C2orf76: variants seen among roughly 807,000 people sequenced by gnomAD.
C2orf76 encodes the protein UPF0538 protein C2orf76.
A neutral mutation model predicts 16.9 loss-of-function variants in C2orf76; 23 were observed. The ratio of observed to expected loss-of-function variants is 1.36; its 90% CI spans 0.98 to 1.93. C2orf76 has a LOEUF of 1.93. Among genes scored for constraint, C2orf76 ranks in the 30% most tolerant of loss-of-function variants. C2orf76 has a pLI of 0.00. For synonymous variants in C2orf76, 48 were observed against 52.3 expected (o/e 0.92, Z 0.35); for missense variants, 152 against 152.6 (o/e 1.00, Z 0.02).
At chr2:119,302,950 T>TC (rs1199033144) in intron 5 of C2orf76, among the ~76,000 whole-genome samples, 58 of 129,138 alleles carry the variant, frequency 4.5e-4, no homozygotes, top group African/African-American at 1.5e-3. Flanking sequence ...GGAAAACTCT[T>TC]TTCCCCCCCT....
At chr2:119,290,016 T>C in the C2orf76 span, among the ~76,000 whole-genome samples, 3 of 151,968 alleles carry the variant, frequency 2.0e-5, no homozygotes, top group Non-Finnish European at 4.4e-5. Flanking sequence ...GTTACTGGCA[T>C]TGCCTAATTA....
downstream of C2orf76, among the ~76,000 whole-genome samples, chr2:119,300,667 G>A (rs1231676481): frequency 6.6e-6 from 1 of 152,140 alleles, no homozygotes; most frequent in Non-Finnish European, 1.5e-5. Flanking sequence ...ATCAAACATT[G>A]CATTAGCTTA....
chr2:119,345,481 T>C (rs1362608999), intron 1 of C2orf76, among the ~76,000 whole-genome samples: 1 of 152,242 alleles, frequency 6.6e-6, no homozygotes, highest in African/African-American at 2.4e-5. Context: ...CCCTTTGATA[T>C]GGCAATTTCT....
In C2orf76 at chr2:119,321,136, G is replaced by C; in HGVS notation, c.184+18C>G. ...AATTGTATTTATATATATTTTAAAA[G>C]AATAAAAAAATGGTTACCATATTTA... On this transcript the variant is annotated intron_variant, in intron 3 of 5. Transcript: ENST00000334816. The C allele has an allele frequency of 7.6e-7, 1 of 1,323,086 alleles. No homozygotes were observed. Among genetic ancestry groups the C allele is most frequent in the Admixed American group, 2.3e-5 (1 of 42,754 alleles). 82.0% of individuals were successfully genotyped at this position (1,323,086 alleles called of 1,614,324 possible).
chr2:119,333,511 G>T, intron 2 of C2orf76, among the ~76,000 whole-genome samples: 1 of 152,220 alleles, frequency 6.6e-6, no homozygotes, highest in African/African-American at 2.4e-5. Context: ...CTGACATTCA[G>T]TGTTTCCTGA....
intron 1 of C2orf76, among the ~76,000 whole-genome samples, chr2:119,355,650 A>G (rs1188021792): frequency 1.3e-5 from 2 of 152,128 alleles, no homozygotes; most frequent in Non-Finnish European, 2.9e-5. Flanking sequence ...TTGTGAACTG[A>G]GCATATGAGG....
intron 1 of C2orf76, among the ~76,000 whole-genome samples, chr2:119,356,137 T>C (rs1680564229): frequency 1.3e-5 from 2 of 152,126 alleles, no homozygotes; most frequent in Non-Finnish European, 2.9e-5. Flanking sequence ...GTTCGGTGGC[T>C]CTCAGTTGTA....
intron 1 of C2orf76, 88 bp from the exon 2 acceptor site, chr2:119,340,059 G>A: frequency 1.4e-6 from 2 of 1,409,418 alleles, no homozygotes; most frequent in Non-Finnish European, 9.8e-7. Context: ...CAGCTCTCTG[G>A]CACCAGCCCC....
At chr2:119,327,413 T>C (rs1010848216) in intron 2 of C2orf76, among the ~76,000 whole-genome samples, 3 of 145,590 alleles carry the variant, frequency 2.1e-5, no homozygotes, top group African/African-American at 7.7e-5. Flanking sequence ...GTCATTGATA[T>C]AGTTTGGATG....
At chr2:119,295,757 A>T in the C2orf76 span, among the ~76,000 whole-genome samples, 1 of 152,214 alleles carries the variant, frequency 6.6e-6, no homozygotes, top group African/African-American at 2.4e-5. Flanking sequence ...ACATGACTTC[A>T]TCCGGGACCT....
chr2:119,333,946 T>C (rs1306541013), intron 2 of C2orf76, among the ~76,000 whole-genome samples: 1 of 152,170 alleles, frequency 6.6e-6, no homozygotes, highest in African/African-American at 2.4e-5. Flanking sequence ...TCAATGCATG[T>C]TTCTCTGTTC....
At chr2:119,359,748 T>C (rs1680684453) in intron 1 of C2orf76, among the ~76,000 whole-genome samples, 1 of 152,202 alleles carries the variant, frequency 6.6e-6, no homozygotes, top group Non-Finnish European at 1.5e-5. Flanking sequence ...TTACTTCTTA[T>C]GAATGAGCAA....
intron 5 of C2orf76, among the ~76,000 whole-genome samples, chr2:119,302,939 G>A (rs1678661269): frequency 7.3e-6 from 1 of 136,352 alleles, no homozygotes; most frequent in Non-Finnish European, 1.7e-5. Flanking sequence ...AGGAAGGGGA[G>A]GGAAAACTCT....
chr2:119,298,711 T>C (rs138289450), downstream of C2orf76, among the ~76,000 whole-genome samples: 143 of 152,310 alleles, frequency 9.4e-4, no homozygotes, highest in Middle Eastern at 6.8e-3. Context: ...TCAGGTCTTT[T>C]ATACTCATCT....
At chr2:119,342,933 C>G (rs1680081700) in intron 1 of C2orf76, among the ~76,000 whole-genome samples, 1 of 152,068 alleles carries the variant, frequency 6.6e-6, no homozygotes, top group Admixed American at 6.6e-5. Flanking sequence ...CCAGGCCCGG[C>G]TAATTTTTGT....
At chr2:119,324,213 A>G (rs946709609) in intron 2 of C2orf76, among the ~76,000 whole-genome samples, 1 of 152,212 alleles carries the variant, frequency 6.6e-6, no homozygotes, top group African/African-American at 2.4e-5. Flanking sequence ...GAAGAAATCA[A>G]ATCAGTCTTA....
the C2orf76 span, among the ~76,000 whole-genome samples, chr2:119,296,353 A>C: frequency 6.6e-6 from 1 of 152,300 alleles, no homozygotes; most frequent in Admixed American, 6.5e-5. Flanking sequence ...AATGAGGTGA[A>C]ACTGCCCAGA....
At chr2:119,354,981 C>A (rs1680524243) in intron 1 of C2orf76, among the ~76,000 whole-genome samples, 1 of 152,194 alleles carries the variant, frequency 6.6e-6, no homozygotes, top group African/African-American at 2.4e-5. Context: ...CTAGAATACA[C>A]CACCCACTGA....
intron 2 of C2orf76, among the ~76,000 whole-genome samples, chr2:119,337,753 C>A (rs1679896377): frequency 6.6e-6 from 1 of 152,186 alleles, no homozygotes; most frequent in Non-Finnish European, 1.5e-5. Context: ...TTGAAACAAG[C>A]AGTGGCTGTT....
Sources: gnomAD v4.1 joint callset for allele counts (sites outside exome capture counted in the v4.1 genomes callset) on GRCh38, gnomAD v4.1.1 for gene constraint, MANE v1.5 for transcripts, NCBI Gene and HGNC (gene_info 2026-07-23, HGNC 2026-07-21) for gene names.